The following ZFAND6 variants were observed in gnomAD, a reference collection of about 807,000 sequenced individuals.
The protein encoded by ZFAND6 is zinc finger AN1-type containing 6.
Under a neutral mutation model 24.5 loss-of-function variants are expected in ZFAND6, and 12 were observed. That is an observed-to-expected ratio of 0.49 (90% CI 0.31 to 0.79). The LOEUF (loss-of-function observed/expected upper bound fraction) is 0.79. ZFAND6 is among the 30% of genes least tolerant of loss of function. The pLI, the probability that ZFAND6 is intolerant of heterozygous loss-of-function variation, is 0.04. For missense variants in ZFAND6, 207 were observed against 245.9 expected (o/e 0.84, Z 1.06); for synonymous variants, 92 against 81.5 (o/e 1.13, Z -0.69).
Position 80,121,709 on chromosome 15 carries a change from C to G in ZFAND6, c.155-3C>G. On this transcript the variant is annotated splice_polypyrimidine_tract_variant and splice_region_variant and intron_variant, in intron 3 of 6. Coordinates refer to ENST00000261749, the MANE Select transcript of ZFAND6 (RefSeq NM_019006.4). ...ACTAATACGCAATGTGGTACTGTTA[C>G]AGCAACCTCTGTCAGTAGTCTGTCT... 1.2e-6 allele frequency: 2 copies of G among 1,613,244 alleles called. No individual in the cohort carries two copies. The highest frequency in any genetic ancestry group is 2.2e-5 in the East Asian group (1 of 44,856).
chr15:80,131,978 G>C (rs2040625901), intron 6 of ZFAND6, among the ~76,000 whole-genome samples: 1 of 152,162 alleles, frequency 6.6e-6, no homozygotes, highest in Admixed American at 6.5e-5. Context: ...ATGGAAATAG[G>C]GGCATTTCAG....
chr15:80,111,394 T>G (rs578134796), intron 2 of ZFAND6: 70 of 402,712 alleles, frequency 1.7e-4, no homozygotes, highest in African/African-American at 1.3e-3. Context: ...TGCCAATCAT[T>G]TGGGTATGAA....
intron 5 of ZFAND6, chr15:80,130,741 A>C (rs1007891390): frequency 6.4e-6 from 1 of 156,872 alleles, no homozygotes; most frequent in African/African-American, 2.4e-5. Context: ...ATTCCACAGA[A>C]TCTTGGTTTC....
At chr15:80,115,514 T>TA (rs1489383228) in intron 2 of ZFAND6, among the ~76,000 whole-genome samples, 11 of 152,138 alleles carry the variant, frequency 7.2e-5, no homozygotes, top group African/African-American at 2.7e-4. Context: ...CCCAAAAAGG[T>TA]ATAGTAGCAA....
At chr15:80,089,904 G>T (rs1395053135) in intron 1 of ZFAND6, among the ~76,000 whole-genome samples, 3 of 152,118 alleles carry the variant, frequency 2.0e-5, no homozygotes, top group African/African-American at 7.2e-5. Flanking sequence ...GCACTATGTA[G>T]AATCATGGTA....
intron 1 of ZFAND6, among the ~76,000 whole-genome samples, chr15:80,061,317 A>G (rs983446195): frequency 1.7e-4 from 26 of 152,216 alleles, no homozygotes; most frequent in African/African-American, 5.5e-4. Flanking sequence ...TTACACTTCA[A>G]ATATGTGCAG....
chr15:80,122,933 T>C (rs1567093643), intron 5 of ZFAND6, 133 bp downstream of exon 5: 2 of 523,714 alleles, frequency 3.8e-6, no homozygotes, highest in Non-Finnish European at 6.6e-6. Context: ...CAATACTTTA[T>C]ATCTTTAAGT....
intron 2 of ZFAND6, among the ~76,000 whole-genome samples, chr15:80,115,872 C>T (rs2039851576): frequency 6.6e-6 from 1 of 152,032 alleles, no homozygotes; most frequent in Non-Finnish European, 1.5e-5. Context: ...TCATATTGTA[C>T]TTTCATCTAT....
intron 2 of ZFAND6, among the ~76,000 whole-genome samples, chr15:80,101,822 T>C (rs1222012804): frequency 6.8e-6 from 1 of 147,824 alleles, no homozygotes; most frequent in African/African-American, 2.5e-5. Flanking sequence ...AGACGGAGTC[T>C]TGCTCTGTGG....
intron 2 of ZFAND6, among the ~76,000 whole-genome samples, chr15:80,112,284 T>C (rs1596289174): frequency 6.6e-6 from 1 of 152,052 alleles, no homozygotes; most frequent in Admixed American, 6.5e-5. Context: ...GCAGAGAAAC[T>C]ACAAAGCACA....
chr15:80,064,370 T>A (rs1172279277), intron 1 of ZFAND6, among the ~76,000 whole-genome samples: 1 of 152,226 alleles, frequency 6.6e-6, no homozygotes, highest in East Asian at 1.9e-4. Flanking sequence ...TCTATCCATC[T>A]ACCCTCCATC....
intron 5 of ZFAND6, among the ~76,000 whole-genome samples, chr15:80,127,063 G>A (rs1023547605): frequency 6.6e-6 from 1 of 151,950 alleles, no homozygotes; most frequent in African/African-American, 2.4e-5. Flanking sequence ...AGCCATTAAC[G>A]CACCACTGCA....
At chr15:80,079,997 C>G (rs2037555870) in intron 1 of ZFAND6, among the ~76,000 whole-genome samples, 1 of 150,520 alleles carries the variant, frequency 6.6e-6, no homozygotes, top group East Asian at 2.0e-4. Flanking sequence ...GTTTTTTTTC[C>G]CTTTCTTTTT....
chr15:80,062,677 A>G (rs544998884), intron 1 of ZFAND6, among the ~76,000 whole-genome samples: 41 of 152,270 alleles, frequency 2.7e-4, no homozygotes, highest in African/African-American at 9.9e-4. Context: ...GTAGGGCTGT[A>G]TTCTGCTTTT....
chr15:80,090,194 A>T (rs746846690), intron 1 of ZFAND6, among the ~76,000 whole-genome samples: 3 of 152,188 alleles, frequency 2.0e-5, no homozygotes, highest in Non-Finnish European at 4.4e-5. Flanking sequence ...TTGAAGCCAG[A>T]TGTACATTTT....
chr15:80,106,301 G>A (rs1596276136), intron 2 of ZFAND6, among the ~76,000 whole-genome samples: 2 of 152,122 alleles, frequency 1.3e-5, no homozygotes, highest in African/African-American at 2.4e-5. Flanking sequence ...AATCTAGAGC[G>A]GGAATTGGCC....
chr15:80,111,456 C>T, intron 2 of ZFAND6: 1 of 451,778 alleles, frequency 2.2e-6, no homozygotes, highest in South Asian at 1.6e-5. Context: ...ACTGTATTTT[C>T]AATCTGAGGT....
intron 6 of ZFAND6, among the ~76,000 whole-genome samples, chr15:80,136,952 G>T (rs2040893056): frequency 6.6e-6 from 1 of 152,156 alleles, no homozygotes; most frequent in Non-Finnish European, 1.5e-5. Context: ...GCCTTCATTA[G>T]TAAGTAGATT....
At chr15:80,095,564 C>G (rs189891742) in intron 1 of ZFAND6, among the ~76,000 whole-genome samples, 72 of 152,284 alleles carry the variant, frequency 4.7e-4, no homozygotes, top group African/African-American at 1.6e-3. Context: ...CAAATTATTA[C>G]TAGATGGTAA....
Sources: gnomAD v4.1 joint callset for allele counts (sites outside exome capture counted in the v4.1 genomes callset) on GRCh38, gnomAD v4.1.1 for gene constraint, MANE v1.5 for transcripts, NCBI Gene and HGNC (gene_info 2026-07-23, HGNC 2026-07-21) for gene names.